KCTD16: variants seen among roughly 807,000 people sequenced by gnomAD.
The protein encoded by KCTD16 is potassium channel tetramerization domain containing 16, also known as BTB/POZ domain-containing protein KCTD16.
In KCTD16, 13 loss-of-function variants were observed where a neutral mutation model predicts 33.2. The observed-to-expected ratio is 0.39, with a 90% CI of 0.25 to 0.62. KCTD16 has a LOEUF of 0.62. Among genes scored for constraint, KCTD16 ranks in the 20% least tolerant of loss-of-function variants. The pLI, the probability that KCTD16 is intolerant of heterozygous loss-of-function variation, is 0.50. For synonymous variants in KCTD16, 197 were observed against 195.3 expected (o/e 1.01, Z -0.07); for missense variants, 441 against 525.1 (o/e 0.84, Z 1.57).
chr5:144,228,835 AGTACATATAGTAATAT>A (rs1237668957), intron 3 of KCTD16, among the ~76,000 whole-genome samples: 4 of 152,240 alleles, frequency 2.6e-5, no homozygotes, highest in Non-Finnish European at 5.9e-5. Context: ...TAGCCGATAC[AGTACATATAGTAATAT>A]GTACATATAG....
At chr5:144,377,548 C>T (rs1580914852) in intron 3 of KCTD16, among the ~76,000 whole-genome samples, 1 of 152,164 alleles carries the variant, frequency 6.6e-6, no homozygotes. Context: ...CAGTTTATGA[C>T]CCTTTGTTTA....
intron 2 of KCTD16, among the ~76,000 whole-genome samples, chr5:144,176,211 C>T (rs1438944081): frequency 6.6e-6 from 1 of 152,070 alleles, no homozygotes; most frequent in African/African-American, 2.4e-5. Flanking sequence ...TGAAAAGTGT[C>T]CATCTTTCTG....
At chr5:144,283,217 T>G (rs1273834297) in intron 3 of KCTD16, among the ~76,000 whole-genome samples, 2 of 152,164 alleles carry the variant, frequency 1.3e-5, no homozygotes, top group African/African-American at 2.4e-5. Context: ...GGTCTTAGGA[T>G]TCAGGCTTTT....
intron 3 of KCTD16, among the ~76,000 whole-genome samples, chr5:144,452,849 C>T (rs1157597671): frequency 6.6e-6 from 1 of 151,866 alleles, no homozygotes; most frequent in Non-Finnish European, 1.5e-5. Context: ...CCCATGTGCT[C>T]ACATCAGTGG....
chr5:144,231,530 A>T (rs58116151), intron 3 of KCTD16, among the ~76,000 whole-genome samples: 2,290 of 152,256 alleles, frequency 0.015, 52 homozygotes, highest in African/African-American at 0.051. Context: ...ATAGTCTGTG[A>T]TACTACATAC....
chr5:144,422,037 A>G (rs574632606), intron 3 of KCTD16, among the ~76,000 whole-genome samples: 2 of 152,246 alleles, frequency 1.3e-5, no homozygotes, highest in African/African-American at 4.8e-5. Flanking sequence ...CAGAATTTCA[A>G]CCAATGTCCC....
intron 3 of KCTD16, among the ~76,000 whole-genome samples, chr5:144,468,797 C>T (rs1754406060): frequency 6.6e-6 from 1 of 152,166 alleles, no homozygotes; most frequent in Admixed American, 6.5e-5. Flanking sequence ...GCATTGTGCT[C>T]ACAACCATTA....
At chr5:144,267,098 AT>A (rs904662969) in intron 3 of KCTD16, among the ~76,000 whole-genome samples, 13 of 152,196 alleles carry the variant, frequency 8.5e-5, no homozygotes, top group African/African-American at 3.1e-4. Context: ...ATGTTGGATG[AT>A]TTATAAAACT....
chr5:144,260,199 C>T (rs983604615), intron 3 of KCTD16, among the ~76,000 whole-genome samples: 1 of 152,160 alleles, frequency 6.6e-6, no homozygotes. Context: ...TGTGGAAAAC[C>T]TCTCCTGTGG....
intron 3 of KCTD16, among the ~76,000 whole-genome samples, chr5:144,451,764 A>T (rs1038798892): frequency 6.6e-6 from 1 of 152,128 alleles, no homozygotes; most frequent in Non-Finnish European, 1.5e-5. Context: ...TGTACTTGGA[A>T]CATGAATGCA....
intron 1 of KCTD16, among the ~76,000 whole-genome samples, chr5:144,172,791 A>T (rs1752422338): frequency 6.6e-6 from 1 of 152,218 alleles, no homozygotes. Flanking sequence ...TACATTATCC[A>T]TGAAGCTGTG....
At chr5:144,273,382 C>T (rs903790009) in intron 3 of KCTD16, among the ~76,000 whole-genome samples, 1 of 152,108 alleles carries the variant, frequency 6.6e-6, no homozygotes, top group African/African-American at 2.4e-5. Context: ...TGTAGGAATG[C>T]AAAAGAGTAC....
At chr5:144,417,351 T>C (rs1753081648) in intron 3 of KCTD16, among the ~76,000 whole-genome samples, 1 of 152,154 alleles carries the variant, frequency 6.6e-6, no homozygotes, top group Non-Finnish European at 1.5e-5. Flanking sequence ...GATTTTCATT[T>C]GCATTTCCCT....
intron 3 of KCTD16, among the ~76,000 whole-genome samples, chr5:144,346,941 C>T (rs1752817754): frequency 6.6e-6 from 1 of 152,004 alleles, no homozygotes; most frequent in African/African-American, 2.4e-5. Flanking sequence ...GACCCAAGTC[C>T]TGGAGATTTT....
intron 3 of KCTD16, among the ~76,000 whole-genome samples, chr5:144,228,791 T>C (rs1215683619): frequency 6.6e-6 from 1 of 152,202 alleles, no homozygotes; most frequent in Non-Finnish European, 1.5e-5. Context: ...AGTTCATCTA[T>C]CATGACAGGA....
At chr5:144,298,639 T>A (rs576198127) in intron 3 of KCTD16, among the ~76,000 whole-genome samples, 1 of 152,280 alleles carries the variant, frequency 6.6e-6, no homozygotes, top group South Asian at 2.1e-4. Context: ...TGTGTTAGCA[T>A]GTTTAAGGCC....
chr5:144,333,376 C>G (rs1465207154), intron 3 of KCTD16, among the ~76,000 whole-genome samples: 3 of 152,134 alleles, frequency 2.0e-5, no homozygotes, highest in Non-Finnish European at 4.4e-5. Context: ...CTGCTCTTCT[C>G]ATTTGGCCCC....
At chr5:144,327,765 T>C (rs951294887) in intron 3 of KCTD16, among the ~76,000 whole-genome samples, 1 of 152,160 alleles carries the variant, frequency 6.6e-6, no homozygotes, top group African/African-American at 2.4e-5. Flanking sequence ...CATGCAGGCT[T>C]GCGTCATTTT....
intron 3 of KCTD16, among the ~76,000 whole-genome samples, chr5:144,235,263 G>A (rs950564606): frequency 6.6e-6 from 1 of 152,090 alleles, no homozygotes; most frequent in African/African-American, 2.4e-5. Context: ...AAAATCTAAT[G>A]CCTTTCCTTT....
Sources: allele counts gnomAD v4.1 joint callset (sites outside exome capture counted in the v4.1 genomes callset), GRCh38; gene constraint gnomAD v4.1.1; transcripts MANE v1.5; gene names NCBI Gene and HGNC (gene_info 2026-07-23, HGNC 2026-07-21).